KPNA7: variants seen among roughly 807,000 people sequenced by gnomAD.
KPNA7 encodes the protein importin subunit alpha-8.
A neutral mutation model predicts 53.7 loss-of-function variants in KPNA7; 54 were observed. The ratio of observed to expected loss-of-function variants is 1.01; its 90% CI spans 0.81 to 1.26. The LOEUF (loss-of-function observed/expected upper bound fraction) is 1.26. Among genes scored for constraint, KPNA7 ranks in the 50% most tolerant of loss-of-function variants. The pLI is 0.00. For missense variants in KPNA7, 640 were observed against 644.5 expected (o/e 0.99, Z 0.07); for synonymous variants, 276 against 259.3 (o/e 1.06, Z -0.62).
chr7:99,177,409 C>G (rs1383699410), intron 10 of KPNA7, among the ~76,000 whole-genome samples: 1 of 151,826 alleles, frequency 6.6e-6, no homozygotes, highest in Non-Finnish European at 1.5e-5. Context: ...ACAGGGAAAC[C>G]CTGTCTCTAC....
intron 6 of KPNA7, 82 bp downstream of exon 6, chr7:99,192,937 G>C: frequency 1.0e-6 from 1 of 970,386 alleles, no homozygotes; most frequent in Non-Finnish European, 1.5e-6. Flanking sequence ...AGCCTGGGCA[G>C]AATGGTGAGG....
intron 2 of KPNA7, among the ~76,000 whole-genome samples, chr7:99,206,309 C>T (rs185464304): frequency 1.4e-4 from 22 of 152,066 alleles, no homozygotes; most frequent in African/African-American, 4.6e-4. Flanking sequence ...TACAGGCCCC[C>T]GCCACCATGC....
intron 3 of KPNA7, among the ~76,000 whole-genome samples, chr7:99,199,467 G>C (rs1790404753): frequency 6.6e-6 from 1 of 152,098 alleles, no homozygotes; most frequent in African/African-American, 2.4e-5. Context: ...TGATTTTTTT[G>C]ACAAAGGTAC....
chr7:99,179,519 G>A (rs547855027), intron 9 of KPNA7, among the ~76,000 whole-genome samples: 17 of 151,978 alleles, frequency 1.1e-4, no homozygotes, highest in South Asian at 2.1e-4. Context: ...TCACAACACT[G>A]CATTCTAGCC....
In KPNA7 at chr7:99,188,301, A is replaced by T. The variant is rs1271135978; in HGVS notation, c.899T>A (p.Leu300Ter). ...VLMTSSELNVLTPSLRTVGNI... is the reference protein window; with the variant it reads ...VLMTSSELNV The stretch of plus-strand genomic sequence containing the variant: ...CACAGGGCCCAGGATTGCATTTACC[A>T]AGACATTGAGTTCTGAGCTGGTCAT... The change falls in exon 7 of 11, where the codon TTG becomes TAG. Residue 300 changes from leucine to a stop codon, truncating the protein, a stop_gained and splice_region_variant. Transcript: ENST00000327442. LOFTEE classifies it high-confidence loss of function. 3 of 1,550,220 alleles carry T rather than the reference A, an allele frequency of 1.9e-6. No individual in the cohort carries two copies. Among genetic ancestry groups the T allele is most frequent in the Non-Finnish European group, 2.6e-6 (3 of 1,146,132 alleles).
At chr7:99,216,203 C>T (rs1250137413) in intron 1 of KPNA7, among the ~76,000 whole-genome samples, 1 of 151,882 alleles carries the variant, frequency 6.6e-6, no homozygotes, top group Non-Finnish European at 1.5e-5. Flanking sequence ...AAGTTTTTTG[C>T]ATTTTAGAAA....
At chr7:99,173,303 T>C (rs1798806319), downstream of KPNA7, among the ~76,000 whole-genome samples, 1 of 152,156 alleles carries the variant, frequency 6.6e-6, no homozygotes, top group African/African-American at 2.4e-5. Flanking sequence ...GCAATTTTCC[T>C]GCCTCAGCCT....
chr7:99,204,051 C>G lies in KPNA7; in HGVS notation c.67-811G>C, dbSNP rs150554649. 1.8e-4 allele frequency among the ~76,000 whole-genome samples: 28 copies of G among 151,788 alleles called. No individual in the cohort carries two copies. In the East Asian group the frequency reaches 3.5e-3, roughly 19 times the overall value. On this transcript the variant is annotated intron_variant, in intron 2 of 10. Coordinates refer to ENST00000327442, the MANE Select transcript of KPNA7 (RefSeq NM_001145715.3). ...GAAACCTGTCTATAAGCCATTAAAG[C>G]CTTCATCCCCAAGTCTACATACTGA...
intron 3 of KPNA7, among the ~76,000 whole-genome samples, chr7:99,199,457 T>G (rs1790403834): frequency 6.6e-6 from 1 of 152,152 alleles, no homozygotes; most frequent in African/African-American, 2.4e-5. Flanking sequence ...CACGGTCAAT[T>G]GATTTTTTTG....
At chr7:99,181,577 T>G (rs1799275146) in intron 9 of KPNA7, among the ~76,000 whole-genome samples, 1 of 152,206 alleles carries the variant, frequency 6.6e-6, no homozygotes, top group African/African-American at 2.4e-5. Context: ...AGACGGAGTC[T>G]GGCTCTGTCG....
At chr7:99,153,051 G>C in the KPNA7 span, among the ~76,000 whole-genome samples, 1 of 152,174 alleles carries the variant, frequency 6.6e-6, no homozygotes, top group Admixed American at 6.6e-5. Flanking sequence ...GCTGGTCTTA[G>C]GAGAATGCTT....
chr7:99,206,735 A>G lies in KPNA7; in HGVS notation c.66+666T>C, dbSNP rs149474728. Among the ~76,000 whole-genome samples the G allele has an allele frequency of 4.8e-3, 733 of 152,128 alleles. 9 individuals are homozygous for G. Among genetic ancestry groups the G allele is most frequent in the African/African-American group, 0.016 (647 of 41,516 alleles). Reference sequence around the variant, plus strand: ...CTCCCACCTTGGCCTCCCCCAAAGTACTGGGAACACAGGCATGAGCTACCA... The same window carrying G: ...CTCCCACCTTGGCCTCCCCCAAAGTGCTGGGAACACAGGCATGAGCTACCA... On this transcript the variant is annotated intron_variant, in intron 2 of 10. Coordinates refer to ENST00000327442, the MANE Select transcript of KPNA7 (RefSeq NM_001145715.3).
chr7:99,161,398 ACC>A, the KPNA7 span, among the ~76,000 whole-genome samples: 1 of 152,084 alleles, frequency 6.6e-6, no homozygotes, highest in South Asian at 2.1e-4. Flanking sequence ...CCCTCTAACT[ACC>A]ACATACTACC....
chr7:99,215,783 A>G (rs962206029), intron 1 of KPNA7, among the ~76,000 whole-genome samples: 5 of 152,078 alleles, frequency 3.3e-5, no homozygotes, highest in African/African-American at 4.8e-5. Flanking sequence ...GACTTGGGGC[A>G]ACACAGTGAG....
the KPNA7 span, among the ~76,000 whole-genome samples, chr7:99,151,180 T>A: frequency 6.6e-6 from 1 of 152,158 alleles, no homozygotes; most frequent in South Asian, 2.1e-4. Context: ...CTGCCCTTTT[T>A]TTCTGGTGCC....
chr7:99,152,365 AAAAGAAAAAGAAAAAAAGG>A, the KPNA7 span, among the ~76,000 whole-genome samples: 3 of 152,016 alleles, frequency 2.0e-5, no homozygotes, highest in Non-Finnish European at 2.9e-5. Flanking sequence ...CTCAAAAAAA[AAAAGAAAAAGAAAAAAAGG>A]AAAGAAAAAG....
At chr7:99,213,135 T>C (rs1034851001) in intron 1 of KPNA7, among the ~76,000 whole-genome samples, 12 of 151,446 alleles carry the variant, frequency 7.9e-5, no homozygotes, top group Admixed American at 3.3e-4. Context: ...AAGGGATTTT[T>C]TTTTTTTTTT....
At chr7:99,204,559 T>C (rs1321574064) in intron 2 of KPNA7, among the ~76,000 whole-genome samples, 1 of 152,188 alleles carries the variant, frequency 6.6e-6, no homozygotes, top group Non-Finnish European at 1.5e-5. Context: ...TTTGGTTCTT[T>C]AAGCTACTTA....
upstream of KPNA7, among the ~76,000 whole-genome samples, chr7:99,209,007 T>G (rs573997531): frequency 3.3e-4 from 50 of 151,876 alleles, no homozygotes; most frequent in South Asian, 8.3e-4. Context: ...CAAAAATTAG[T>G]CAGGCATGGT....
Sources: allele counts gnomAD v4.1 joint callset (sites outside exome capture counted in the v4.1 genomes callset), GRCh38; gene constraint gnomAD v4.1.1; transcripts MANE v1.5; gene names NCBI Gene and HGNC (gene_info 2026-07-23, HGNC 2026-07-21).